SHROOM3: variants seen among roughly 807,000 people sequenced by gnomAD.
SHROOM3 encodes shroom family member 3, also known as protein Shroom3.
In SHROOM3, 47 loss-of-function variants were observed where a neutral mutation model predicts 138.6. That is an observed-to-expected ratio of 0.34 (90% CI 0.27 to 0.43). The LOEUF (loss-of-function observed/expected upper bound fraction) is 0.43. Among genes scored for constraint, SHROOM3 ranks in the 20% least tolerant of loss-of-function variants. The pLI, the probability that SHROOM3 is intolerant of heterozygous loss-of-function variation, is 1.00. For synonymous variants in SHROOM3, 1,062 were observed against 1,063.3 expected (o/e 1.00, Z 0.02); for missense variants, 2,491 against 2,596.5 (o/e 0.96, Z 0.88).
At chr4:76,661,234 CTT>C (rs912334272) in intron 2 of SHROOM3, among the ~76,000 whole-genome samples, 1 of 146,044 alleles carries the variant, frequency 6.8e-6, no homozygotes. Flanking sequence ...AATCCATTTT[CTT>C]TTTTTTTTTT....
chr4:76,775,574 A>G (rs1247776065), intron 10 of SHROOM3, among the ~76,000 whole-genome samples: 2 of 151,946 alleles, frequency 1.3e-5, no homozygotes, highest in African/African-American at 4.8e-5. Flanking sequence ...AAGTAATTAT[A>G]TGGAAAAGAC....
At chr4:76,566,447 A>G (rs1208097846) in intron 2 of SHROOM3, among the ~76,000 whole-genome samples, 1 of 152,146 alleles carries the variant, frequency 6.6e-6, no homozygotes, top group Non-Finnish European at 1.5e-5. Flanking sequence ...CAAAAACCAC[A>G]CTTTGTATAC....
In SHROOM3 at chr4:76,747,993, C is replaced by CA. The variant is rs201577270; in HGVS notation, c.3754-1015dup. Reference sequence around the variant, plus strand: ...TCCAATTGTTATAAAGATTAAGTTACAAAAAAAAAGTCAAGTGCCTAATAT... The same window carrying CA: ...TCCAATTGTTATAAAGATTAAGTTACAAAAAAAAAAGTCAAGTGCCTAATAT... On this transcript the variant is annotated intron_variant, in intron 5 of 10. Transcript: ENST00000296043. Among the ~76,000 whole-genome samples the CA allele has an allele frequency of 7.6e-3, 1,148 of 150,982 alleles. 12 individuals carry two copies. The highest frequency in any genetic ancestry group is 0.026 in the African/African-American group (1,089 of 41,172).
rs1397535311 is a variant in SHROOM3 at position 76,664,976 on chromosome 4, C to T, written c.324-45180C>T. Among the ~76,000 whole-genome samples, 3 of 151,980 alleles carry T rather than the reference C, an allele frequency of 2.0e-5. No individual in the cohort carries two copies. Among genetic ancestry groups the T allele is most frequent in the Non-Finnish European group, 4.4e-5 (3 of 67,998 alleles). ...GACCAGCCTGGGCAACACAGTGAGACCACGTCTCAAAAATATATATATTAA... is the reference window on the plus strand; with the variant it reads ...GACCAGCCTGGGCAACACAGTGAGATCACGTCTCAAAAATATATATATTAA... On this transcript the variant is annotated intron_variant, in intron 2 of 10. Coordinates refer to ENST00000296043, the MANE Select transcript of SHROOM3 (RefSeq NM_020859.4). The surrounding 1 kb of genome is among the most constrained non-coding windows in gnomAD (Gnocchi z 4.2).
chr4:76,491,264 T>C (rs1731843940), intron 1 of SHROOM3, among the ~76,000 whole-genome samples: 1 of 152,178 alleles, frequency 6.6e-6, no homozygotes, highest in Non-Finnish European at 1.5e-5. Context: ...AGTGTTAGAA[T>C]GCTTGTGCCA....
At chr4:76,559,594 A>G (rs1577885226) in intron 2 of SHROOM3, 1 of 152,102 alleles carries the variant, frequency 6.6e-6, no homozygotes, top group Non-Finnish European at 1.5e-5. Context: ...GCAGCCATGT[A>G]CCTGCCTCTT....
intron 1 of SHROOM3, among the ~76,000 whole-genome samples, chr4:76,444,240 T>G (rs1017274104): frequency 1.3e-5 from 2 of 151,580 alleles, no homozygotes; most frequent in Non-Finnish European, 2.9e-5. Flanking sequence ...GAATGCTCTT[T>G]GGTGCATGTA....
chr4:76,603,322 G>A (rs983148542), intron 2 of SHROOM3, among the ~76,000 whole-genome samples: 1 of 152,278 alleles, frequency 6.6e-6, no homozygotes, highest in Non-Finnish European at 1.5e-5. Flanking sequence ...GGAGGCTGAG[G>A]CAGGAGAATC....
intron 2 of SHROOM3, among the ~76,000 whole-genome samples, chr4:76,658,861 C>A (rs1156436756): frequency 2.0e-5 from 3 of 152,116 alleles, no homozygotes; most frequent in African/African-American, 7.2e-5. Context: ...CAGATACATA[C>A]CACACACAAA....
intron 2 of SHROOM3, among the ~76,000 whole-genome samples, chr4:76,584,354 T>G (rs1027829964): frequency 2.6e-5 from 4 of 152,090 alleles, no homozygotes; most frequent in Non-Finnish European, 4.4e-5. Flanking sequence ...AGATTTCTTT[T>G]ACTGTAACAA....
intron 1 of SHROOM3, among the ~76,000 whole-genome samples, chr4:76,496,101 T>G (rs1236099178): frequency 2.0e-5 from 3 of 152,214 alleles, no homozygotes; most frequent in Non-Finnish European, 4.4e-5. Context: ...GTTGAGAGTT[T>G]GGAACAGGAG....
rs1361645354 is a variant in SHROOM3, at chr4:76,740,989, C to T, written c.2816C>T (p.Thr939Ile). The T allele has an allele frequency of 1.9e-5, 29 of 1,491,122 alleles. No homozygotes were observed. Among genetic ancestry groups the T allele is most frequent in the Non-Finnish European group, 2.6e-5 (29 of 1,124,630 alleles). The allele number at this position is 1,491,122 out of a possible 1,614,324, so 92.4% of individuals were successfully genotyped here. A position where few individuals can be genotyped will look rare whatever the true frequency, so the allele number is the denominator to read the frequency against. Reference protein sequence around the residue: ...KDAQSRVLGATSFRRRDLELG... With the variant: ...KDAQSRVLGAISFRRRDLELG... ...GCACAGTCCCGTGTCTTGGGGGCCA[C>T]CTCCTTTCGACGTCGAGACCTGGAG... The change falls in exon 5 of 11, where the codon ACC (threonine) becomes ATC (isoleucine). Residue 939 changes from threonine (T) to isoleucine (I), a missense_variant. Thr to Ile is a moderately conservative substitution (Grantham distance 89). This residue lies in a region of SHROOM3 where 1,733 missense variants were observed against 1,661.6 expected (regional missense o/e 1.04). Coordinates refer to ENST00000296043, the MANE Select transcript of SHROOM3 (RefSeq NM_020859.4). This position sits in a 1 kb window ranked among gnomAD's most constrained non-coding sequence, Gnocchi z 4.0.
At chr4:76,626,772 A>C (rs1242799181) in intron 2 of SHROOM3, among the ~76,000 whole-genome samples, 1 of 152,208 alleles carries the variant, frequency 6.6e-6, no homozygotes, top group Non-Finnish European at 1.5e-5. Flanking sequence ...TAGGATATGA[A>C]ACTTGGTCTC....
intron 1 of SHROOM3, among the ~76,000 whole-genome samples, chr4:76,542,642 A>C (rs976405465): frequency 1.3e-5 from 2 of 152,244 alleles, no homozygotes; most frequent in African/African-American, 4.8e-5. Context: ...AAAGGAAAGG[A>C]AACCAATTCT....
At chr4:76,755,331 C>CTGTT in intron 7 of SHROOM3, 139 bp downstream of exon 7, 1 of 1,074,708 alleles carries the variant, frequency 9.3e-7, no homozygotes, top group South Asian at 1.5e-5. Context: ...CACTGTTGAT[C>CTGTT]TGTTTGCCTC....
chr4:76,546,792 C>T (rs540412739), intron 1 of SHROOM3, among the ~76,000 whole-genome samples: 1 of 152,324 alleles, frequency 6.6e-6, no homozygotes, highest in South Asian at 2.1e-4. Context: ...GTTGCATTAA[C>T]TGTGAGTGAC....
At chr4:76,732,801 G>C (rs1720924027) in intron 4 of SHROOM3, among the ~76,000 whole-genome samples, 1 of 152,148 alleles carries the variant, frequency 6.6e-6, no homozygotes, top group Non-Finnish European at 1.5e-5. Flanking sequence ...GTGTAAGCTT[G>C]AGCAAATCAT....
At chr4:76,598,767 G>A (rs1577909651) in intron 2 of SHROOM3, among the ~76,000 whole-genome samples, 2 of 152,192 alleles carry the variant, frequency 1.3e-5, no homozygotes, top group Non-Finnish European at 2.9e-5. Flanking sequence ...GTGTATGTGA[G>A]GATGCTCATG....
chr4:76,682,609 TGGGTCAA>T (rs1350562005), intron 2 of SHROOM3, among the ~76,000 whole-genome samples: 3 of 147,686 alleles, frequency 2.0e-5, no homozygotes, highest in Non-Finnish European at 4.5e-5. Flanking sequence ...TGAATTGAAA[TGGGTCAA>T]GGAGAGAGAA....
Sources: allele counts gnomAD v4.1 joint callset (sites outside exome capture counted in the v4.1 genomes callset), GRCh38; gene constraint gnomAD v4.1.1; regional missense constraint gnomAD v4.1.1; non-coding constraint Gnocchi (gnomAD v3.1); transcripts MANE v1.5; gene names NCBI Gene and HGNC (gene_info 2026-07-23, HGNC 2026-07-21).